The following MYO16 variants were observed in gnomAD, a reference collection of about 807,000 sequenced individuals.
The protein encoded by MYO16 is unconventional myosin-XVI.
In MYO16, 94 loss-of-function variants were observed where a neutral mutation model predicts 205.3. The observed-to-expected ratio is 0.46, with a 90% CI of 0.39 to 0.54. The LOEUF (loss-of-function observed/expected upper bound fraction) is 0.54, where lower values mean the gene tolerates loss of function less well. Ranked by LOEUF, MYO16 falls within the 20% of genes least tolerant of loss-of-function variation. The pLI is 0.00. For synonymous variants in MYO16, 988 were observed against 954.0 expected, an observed-to-expected ratio of 1.04 and a Z score of -0.66; for missense variants, 2,315 against 2,387.5, an observed-to-expected ratio of 0.97 and a Z score of 0.63.
At chr13:108,775,015 G>GT (rs1285758811) in intron 4 of MYO16, among the ~76,000 whole-genome samples, 3 of 152,158 alleles carry the variant, frequency 2.0e-5, no homozygotes, top group Non-Finnish European at 4.4e-5. Flanking sequence ...TATGAAGTAA[G>GT]TTTAGGCTTG....
the MYO16 span, among the ~76,000 whole-genome samples, chr13:108,539,399 T>G: frequency 3.1e-4 from 47 of 152,196 alleles, 1 homozygote; most frequent in African/African-American, 1.1e-3. Context: ...AGTTTTCAGT[T>G]CTTAGGGAGC....
At chr13:108,716,462 G>A (rs956377278) in intron 3 of MYO16, among the ~76,000 whole-genome samples, 2 of 152,212 alleles carry the variant, frequency 1.3e-5, no homozygotes, top group African/African-American at 2.4e-5. Flanking sequence ...AGGAAACCTC[G>A]TGGCAGCTGA....
At chr13:108,612,278 C>T (rs1879204471) in intron 1 of MYO16, among the ~76,000 whole-genome samples, 1 of 151,772 alleles carries the variant, frequency 6.6e-6, no homozygotes, top group African/African-American at 2.4e-5. Context: ...GAAAGGAATC[C>T]TTAACAAGGA....
chr13:108,499,660 G>A, the MYO16 span, among the ~76,000 whole-genome samples: 1 of 152,124 alleles, frequency 6.6e-6, no homozygotes, highest in Non-Finnish European at 1.5e-5. Context: ...GGAAGTTTAG[G>A]TTTACACTCT....
intron 9 of MYO16, among the ~76,000 whole-genome samples, chr13:108,824,776 T>G (rs1051247306): frequency 2.0e-5 from 3 of 152,062 alleles, no homozygotes; most frequent in African/African-American, 7.2e-5. Context: ...GGAAATATTA[T>G]GAACAATTGT....
At chr13:108,988,821 G>A (rs1352520841) in intron 20 of MYO16, among the ~76,000 whole-genome samples, 1 of 152,184 alleles carries the variant, frequency 6.6e-6, no homozygotes, top group East Asian at 1.9e-4. Context: ...GCCTGACATA[G>A]GGACCCTGAT....
At chr13:108,767,316 A>G (rs991730913) in intron 4 of MYO16, among the ~76,000 whole-genome samples, 8 of 152,078 alleles carry the variant, frequency 5.3e-5, no homozygotes, top group African/African-American at 1.9e-4. Context: ...GTTAGCCAGG[A>G]CGGTCTCGAT....
At chr13:109,187,584 A>G (rs1278223410) in intron 34 of MYO16, among the ~76,000 whole-genome samples, 1 of 152,118 alleles carries the variant, frequency 6.6e-6, no homozygotes, top group East Asian at 1.9e-4. Flanking sequence ...ATTTTCATTC[A>G]GTTCAAAATA....
chr13:108,858,241 C>T (rs1245285027), intron 11 of MYO16, among the ~76,000 whole-genome samples: 4 of 152,130 alleles, frequency 2.6e-5, no homozygotes, highest in South Asian at 2.1e-4. Context: ...GTTTGAACTT[C>T]GTATGTCTTT....
chr13:108,972,014 G>A (rs1884032158), intron 20 of MYO16, among the ~76,000 whole-genome samples: 1 of 150,604 alleles, frequency 6.6e-6, no homozygotes, highest in African/African-American at 2.4e-5. Flanking sequence ...AGGCAACATG[G>A]TGAAACCCCA....
At chr13:108,731,758 A>G (rs985209553) in intron 4 of MYO16, among the ~76,000 whole-genome samples, 1 of 152,210 alleles carries the variant, frequency 6.6e-6, no homozygotes, top group African/African-American at 2.4e-5. Context: ...ATCACCGATT[A>G]TGTGTGAACA....
In MYO16 at chr13:108,629,827, C is replaced by A. The variant is rs904862158; in HGVS notation, c.-18C>A. ...GAATGCTGGAACCCGTAGCAAGATT[C>A]CTGTCTGAGATGGAAAGATGTCTCA... On this transcript the variant is annotated 5_prime_UTR_variant, in exon 1 of 35. Transcript: ENST00000457511. The A allele has an allele frequency of 9.2e-6, 14 of 1,526,870 alleles. No individual in the cohort carries two copies. Among genetic ancestry groups the A allele is most frequent in the Non-Finnish European group, 1.2e-5 (14 of 1,139,638 alleles). 94.6% of individuals were successfully genotyped at this position (1,526,870 alleles called of 1,614,324 possible). A position where few individuals can be genotyped will look rare whatever the true frequency, so the allele number is the denominator to read the frequency against.
chr13:108,550,277 T>G, the MYO16 span, among the ~76,000 whole-genome samples: 2 of 152,268 alleles, frequency 1.3e-5, no homozygotes, highest in Non-Finnish European at 2.9e-5. Flanking sequence ...AACGACAACC[T>G]TTGCAATTGT....
chr13:108,958,708 C>T (rs1883473008), intron 17 of MYO16, among the ~76,000 whole-genome samples: 1 of 152,132 alleles, frequency 6.6e-6, no homozygotes, highest in South Asian at 2.1e-4. Context: ...CTGAATCAAA[C>T]AGCACCCAGC....
intron 16 of MYO16, among the ~76,000 whole-genome samples, chr13:108,948,546 A>T (rs902785667): frequency 2.0e-5 from 3 of 152,250 alleles, no homozygotes; most frequent in African/African-American, 7.2e-5. Context: ...CTGGAGACAC[A>T]GTAGGTGCGG....
At chr13:108,582,777 A>T in the MYO16 span, among the ~76,000 whole-genome samples, 1 of 152,088 alleles carries the variant, frequency 6.6e-6, no homozygotes, top group South Asian at 2.1e-4. Flanking sequence ...ACGAAGGCAA[A>T]CTATTACAGT....
chr13:109,085,657 C>T (rs904747479), intron 27 of MYO16, among the ~76,000 whole-genome samples: 3 of 152,120 alleles, frequency 2.0e-5, no homozygotes, highest in Non-Finnish European at 4.4e-5. Context: ...TAGTTTTAAC[C>T]TTGAATGTGT....
Position 108,727,484 on chromosome 13 carries a change from C to G in MYO16, c.408C>G (p.Asp136Glu). Residue 136 changes from aspartate to glutamate, a missense_variant, in exon 4 of 35, where the codon GAC (aspartate) becomes GAG (glutamate). Asp to Glu is a conservative substitution (Grantham distance 45, BLOSUM62 2). This residue lies in a region of MYO16 where 1,213 missense variants were observed against 1,274.4 expected (regional missense o/e 0.95). Transcript: ENST00000457511. ...CCTTCATTGCAGAAATTCTGATTGA[C>G]AGAGGAGTCAACGTCAACCACCAGG... ...DNAFIAEILIDRGVNVNHQDE... is the reference protein window; with the variant it reads ...DNAFIAEILIERGVNVNHQDE... 6.2e-7 allele frequency: 1 copy of G among 1,613,834 alleles called. No homozygotes were observed. Among genetic ancestry groups the G allele is most frequent in the Non-Finnish European group, 8.5e-7 (1 of 1,179,882 alleles).
chr13:108,655,472 C>T (rs750881233), intron 1 of MYO16, among the ~76,000 whole-genome samples: 59 of 152,308 alleles, frequency 3.9e-4, no homozygotes, highest in African/African-American at 6.0e-4. Context: ...TCTGCGGCAG[C>T]GGCGTGGCCC....
Sources: gnomAD v4.1 joint callset for allele counts (sites outside exome capture counted in the v4.1 genomes callset) on GRCh38, gnomAD v4.1.1 for gene constraint, gnomAD v4.1.1 regional missense constraint, MANE v1.5 for transcripts, NCBI Gene and HGNC (gene_info 2026-07-23, HGNC 2026-07-21) for gene names.